The following SYN2 variants were observed in gnomAD, a reference collection of about 807,000 sequenced individuals.
The protein encoded by SYN2 is synapsin II, also known as synapsin-2.
In SYN2, 19 loss-of-function variants were observed where a neutral mutation model predicts 50.9. The observed-to-expected ratio is 0.37, with a 90% CI of 0.26 to 0.55. The LOEUF (loss-of-function observed/expected upper bound fraction) is 0.55. SYN2 is among the 20% of genes least tolerant of loss of function. SYN2 has a pLI of 0.81. For synonymous variants in SYN2, 255 were observed against 224.9 expected (o/e 1.13, Z -1.20); for missense variants, 587 against 576.4 (o/e 1.02, Z -0.19).
chr3:12,183,344 G>A lies in SYN2; in HGVS notation c.1341G>A (p.Lys447=). The change falls in exon 11 of 13, where the codon AAG becomes AAA. Residue 447 remains lysine (K), a synonymous_variant. Coordinates refer to ENST00000621198, the MANE Select transcript of SYN2 (RefSeq NM_133625.6). The part of the protein sequence containing the change: ...SGTLKDPDSS[K]TPPQRPPPQG... ...CACTTAAGGATCCGGACTCAAGCAA[G>A]ACCCCACCTCAGCGGCCACCCCCTC... 1 of 1,613,762 alleles carries A rather than the reference G, an allele frequency of 6.2e-7. No homozygotes were observed. Among genetic ancestry groups the A allele is most frequent in the East Asian group, 2.2e-5 (1 of 44,880 alleles).
intron 1 of SYN2, among the ~76,000 whole-genome samples, chr3:12,123,122 T>C (rs2125203797): frequency 6.6e-6 from 1 of 152,236 alleles, no homozygotes; most frequent in African/African-American, 2.4e-5. Context: ...ATGAGAAGAT[T>C]CAATATGTGT....
At chr3:12,137,059 A>G (rs757331244) in intron 1 of SYN2, among the ~76,000 whole-genome samples, 2 of 152,100 alleles carry the variant, frequency 1.3e-5, no homozygotes, top group East Asian at 1.9e-4. Flanking sequence ...CAGCCTGGAC[A>G]ACATAGTGAA....
intron 1 of SYN2, among the ~76,000 whole-genome samples, chr3:12,016,475 A>G (rs1694031892): frequency 6.6e-6 from 1 of 152,200 alleles, no homozygotes. Flanking sequence ...CACTTAAAAC[A>G]CCTGGGTTCA....
chr3:12,033,314 C>T (rs374059608), intron 1 of SYN2, among the ~76,000 whole-genome samples: 2 of 152,198 alleles, frequency 1.3e-5, no homozygotes, highest in Non-Finnish European at 2.9e-5. Flanking sequence ...AATCACCCGT[C>T]TTCTGCGTTG....
intron 1 of SYN2, among the ~76,000 whole-genome samples, chr3:12,121,568 C>T (rs1696557892): frequency 6.7e-6 from 1 of 150,248 alleles, no homozygotes; most frequent in Non-Finnish European, 1.5e-5. Flanking sequence ...CAATGTTCTC[C>T]AGTGAAACAG....
At chr3:12,006,438 G>A (rs1693802491) in intron 1 of SYN2, among the ~76,000 whole-genome samples, 1 of 152,148 alleles carries the variant, frequency 6.6e-6, no homozygotes. Context: ...TGCTTATTAC[G>A]GAGGAAGGGA....
intron 1 of SYN2, among the ~76,000 whole-genome samples, chr3:12,105,528 G>T (rs1696166989): frequency 8.2e-6 from 1 of 121,550 alleles, no homozygotes; most frequent in Admixed American, 9.0e-5. Flanking sequence ...GTCCTAGGTA[G>T]CCCCTGAAAA....
At chr3:12,159,051 A>G in intron 5 of SYN2, 1 of 607,142 alleles carries the variant, frequency 1.6e-6, no homozygotes, top group South Asian at 2.8e-5. Context: ...ACTCAGTAAG[A>G]TGCAGAGGGA....
chr3:12,156,967 G>T (rs1234117753), intron 5 of SYN2: 3 of 1,489,836 alleles, frequency 2.0e-6, no homozygotes, highest in Non-Finnish European at 1.9e-6. Context: ...GGCAATATTG[G>T]GTCAGTGAGT....
chr3:12,113,503 A>G (rs1225924501), intron 1 of SYN2, among the ~76,000 whole-genome samples: 1 of 152,292 alleles, frequency 6.6e-6, no homozygotes, highest in Non-Finnish European at 1.5e-5. Flanking sequence ...TTTAAGGTGT[A>G]CAATCCGGTG....
chr3:12,035,918 A>G lies in SYN2; in HGVS notation c.377+30990A>G, dbSNP rs144606207. On this transcript the variant is annotated intron_variant, in intron 1 of 12. Coordinates refer to ENST00000621198, the MANE Select transcript of SYN2 (RefSeq NM_133625.6). ...GAGGGTCCAGGTTTTTTTGAAAACA[A>G]CTAAGGACATATGTTAAGATATTAT... Among the ~76,000 whole-genome samples, 39 of 152,324 alleles carry G rather than the reference A, an allele frequency of 2.6e-4. No homozygotes were observed. In the East Asian group the frequency reaches 6.0e-3, roughly 23 times the overall value.
chr3:12,167,250 G>A lies in SYN2; in HGVS notation c.997G>A (p.Gly333Arg), dbSNP rs765973963. The A allele has an allele frequency of 4.3e-6, 7 of 1,613,046 alleles. No individual in the cohort carries two copies. The highest frequency in any genetic ancestry group is 1.6e-4 in the Middle Eastern group (1 of 6,062). The change falls in exon 8 of 13, where the codon GGG becomes AGG. Residue 333 changes from glycine to arginine, a missense_variant. Coordinates refer to ENST00000621198, the MANE Select transcript of SYN2 (RefSeq NM_133625.6). ...YKAYMRTSIS[G>R]NWKTNTGSAM... is the part of the protein sequence containing the mutation. ...TTGTTGCAGGAGGACATCGATCTCA[G>A]GGAACTGGAAGACGAACACTGGCTC...
At chr3:12,189,797 C>CA (rs11335885) in intron 12 of SYN2, among the ~76,000 whole-genome samples, 5 of 151,582 alleles carry the variant, frequency 3.3e-5, no homozygotes, top group Admixed American at 6.6e-5. Flanking sequence ...GATTCTGTCT[C>CA]AAAAAAAAAC....
intron 1 of SYN2, among the ~76,000 whole-genome samples, chr3:12,015,418 T>C (rs1349490771): frequency 6.6e-6 from 1 of 152,210 alleles, no homozygotes; most frequent in Non-Finnish European, 1.5e-5. Context: ...TTTTCAGTAC[T>C]TATTTGTTGA....
chr3:12,099,919 C>T (rs1325142453), intron 1 of SYN2, among the ~76,000 whole-genome samples: 9 of 137,560 alleles, frequency 6.5e-5, no homozygotes, highest in Admixed American at 1.5e-4. Context: ...GAGCCGAGAT[C>T]GCACCACTGC....
intron 1 of SYN2, among the ~76,000 whole-genome samples, chr3:12,075,475 A>G (rs1695449167): frequency 6.6e-6 from 1 of 152,158 alleles, no homozygotes. Context: ...TTAATAACCA[A>G]CACAGGTGGA....
At chr3:12,069,800 G>T (rs1574921899) in intron 1 of SYN2, among the ~76,000 whole-genome samples, 2 of 148,880 alleles carry the variant, frequency 1.3e-5, no homozygotes, top group Admixed American at 6.6e-5. Flanking sequence ...TTGTTTATTT[G>T]TTTTGTTTTG....
intron 1 of SYN2, among the ~76,000 whole-genome samples, chr3:12,035,719 G>A (rs1163430815): frequency 6.6e-6 from 1 of 152,180 alleles, no homozygotes; most frequent in Non-Finnish European, 1.5e-5. Context: ...ATAAAGCTTT[G>A]TCTGAAAACT....
intron 1 of SYN2, among the ~76,000 whole-genome samples, chr3:12,049,816 T>C (rs1163521685): frequency 6.6e-6 from 1 of 152,204 alleles, no homozygotes; most frequent in South Asian, 2.1e-4. Flanking sequence ...GAAACATGGC[T>C]TATATTTAGA....
Sources: allele counts gnomAD v4.1 joint callset (sites outside exome capture counted in the v4.1 genomes callset), GRCh38; gene constraint gnomAD v4.1.1; transcripts MANE v1.5; gene names NCBI Gene and HGNC (gene_info 2026-07-23, HGNC 2026-07-21).